Variants in CHN2 observed in about 807,000 individuals in gnomAD.
CHN2 encodes the protein chimerin 2.
Under a neutral mutation model 56.3 loss-of-function variants are expected in CHN2, and 35 were observed. That is an observed-to-expected ratio of 0.62 (90% CI 0.47 to 0.82). CHN2 has a LOEUF of 0.82. Ranked by LOEUF, CHN2 falls within the 40% of genes least tolerant of loss-of-function variation. CHN2 has a pLI of 0.00. For synonymous variants in CHN2, 210 were observed against 212.8 expected, an observed-to-expected ratio of 0.99 and a Z score of 0.12; for missense variants, 491 against 580.5, an observed-to-expected ratio of 0.85 and a Z score of 1.58.
At chr7:29,263,971 G>T (rs1349164029) in intron 1 of CHN2, among the ~76,000 whole-genome samples, 3 of 118,006 alleles carry the variant, frequency 2.5e-5, no homozygotes, top group South Asian at 2.4e-4. Context: ...TCTGGGAGGT[G>T]GGGGGGCAGC....
intron 3 of CHN2, among the ~76,000 whole-genome samples, chr7:29,377,320 C>T (rs1045397619): frequency 2.0e-5 from 3 of 152,104 alleles, no homozygotes; most frequent in South Asian, 2.1e-4. Context: ...GACCACGCCC[C>T]GCCTCAAATT....
intron 6 of CHN2, among the ~76,000 whole-genome samples, chr7:29,437,880 G>T (rs750234666): frequency 1.3e-5 from 2 of 152,116 alleles, no homozygotes; most frequent in Non-Finnish European, 2.9e-5. Flanking sequence ...AGAGCAAGAG[G>T]CTAGAGCTTC....
At chr7:29,312,635 C>T (rs1794681381) in intron 1 of CHN2, among the ~76,000 whole-genome samples, 1 of 152,118 alleles carries the variant, frequency 6.6e-6, no homozygotes, top group African/African-American at 2.4e-5. Flanking sequence ...TGCAGAAGAA[C>T]ATGTTCTTCA....
intron 1 of CHN2, among the ~76,000 whole-genome samples, chr7:29,260,327 A>C (rs1007595487): frequency 1.3e-5 from 2 of 152,186 alleles, no homozygotes; most frequent in African/African-American, 4.8e-5. Flanking sequence ...TCCATTAAAA[A>C]ATAAAATATC....
chr7:29,161,521 C>T (rs1795175114), intron 2 of CHN2, among the ~76,000 whole-genome samples: 1 of 152,278 alleles, frequency 6.6e-6, no homozygotes, highest in Non-Finnish European at 1.5e-5. Flanking sequence ...TTTTCATACC[C>T]ATTCATGCTC....
At chr7:29,319,415 T>C (rs183346733) in intron 1 of CHN2, among the ~76,000 whole-genome samples, 19 of 150,556 alleles carry the variant, frequency 1.3e-4, no homozygotes, top group Admixed American at 8.7e-4. Context: ...ACCTTCATTA[T>C]TGGTGCAGAA....
At chr7:29,320,959 A>G (rs1039869500) in intron 1 of CHN2, among the ~76,000 whole-genome samples, 3 of 152,240 alleles carry the variant, frequency 2.0e-5, no homozygotes, top group African/African-American at 7.2e-5. Context: ...GTCCAATACT[A>G]GGAGCAATTG....
intron 5 of CHN2, among the ~76,000 whole-genome samples, chr7:29,399,511 T>C (rs1161264089): frequency 6.6e-6 from 1 of 152,218 alleles, no homozygotes; most frequent in Non-Finnish European, 1.5e-5. Context: ...TTTTCAAACC[T>C]TGATCAAATA....
rs140008231 is a variant in CHN2, at chr7:29,510,863, C to T, written c.1235+1457C>T. Among the ~76,000 whole-genome samples, 327 of 152,246 alleles carry T rather than the reference C, an allele frequency of 2.1e-3. 1 individual carries two copies. The highest frequency in any genetic ancestry group is 3.1e-3 in the Non-Finnish European group (211 of 68,024). On this transcript the variant is annotated intron_variant, in intron 12 of 12. Transcript: ENST00000222792. ...TACCTGCCACACACACAGCTGTCTG[C>T]GTGAGTGTGTGGGAGACAGAGATGG...
chr7:29,427,887 C>A (rs1450446111), intron 6 of CHN2, among the ~76,000 whole-genome samples: 1 of 152,022 alleles, frequency 6.6e-6, no homozygotes, highest in Non-Finnish European at 1.5e-5. Flanking sequence ...GATCTCTTGA[C>A]CTCATGATCC....
At chr7:29,244,315 A>G (rs1787908793) in intron 1 of CHN2, among the ~76,000 whole-genome samples, 1 of 152,160 alleles carries the variant, frequency 6.6e-6, no homozygotes, top group African/African-American at 2.4e-5. Flanking sequence ...AATGTCTAAG[A>G]CCATGAAGCA....
At chr7:29,330,474 A>G (rs1796133269) in intron 1 of CHN2, among the ~76,000 whole-genome samples, 1 of 152,200 alleles carries the variant, frequency 6.6e-6, no homozygotes, top group Non-Finnish European at 1.5e-5. Flanking sequence ...TATTTATTGC[A>G]ATTAATGAAG....
At chr7:29,209,851 A>G (rs1784785879) in intron 1 of CHN2, among the ~76,000 whole-genome samples, 1 of 152,208 alleles carries the variant, frequency 6.6e-6, no homozygotes, top group South Asian at 2.1e-4. Context: ...ATTTCAGGTT[A>G]TTCCCAAGGA....
chr7:29,209,221 G>A (rs1278420662), intron 1 of CHN2, among the ~76,000 whole-genome samples: 1 of 152,088 alleles, frequency 6.6e-6, no homozygotes, highest in Non-Finnish European at 1.5e-5. Context: ...TTCTGTTAAG[G>A]GGGAAGAGGG....
intron 1 of CHN2, among the ~76,000 whole-genome samples, chr7:29,276,862 T>G (rs1562884652): frequency 6.6e-6 from 1 of 152,184 alleles, no homozygotes; most frequent in Admixed American, 6.5e-5. Context: ...TCCTTACAGA[T>G]GCATTGTTTA....
At chr7:29,252,751 G>A (rs934062482) in intron 1 of CHN2, among the ~76,000 whole-genome samples, 2 of 124,560 alleles carry the variant, frequency 1.6e-5, no homozygotes, top group South Asian at 2.5e-4. Flanking sequence ...GCCCGCCACC[G>A]CGCCCGGCTA....
At chr7:29,196,117 T>A (rs1300128483) in intron 1 of CHN2, among the ~76,000 whole-genome samples, 1 of 152,176 alleles carries the variant, frequency 6.6e-6, no homozygotes. Flanking sequence ...GAAACACCTT[T>A]TTGGAGGCAT....
rs11979947 is a variant in CHN2, at chr7:29,439,038, G to A, written c.576+38210G>A. Among the ~76,000 whole-genome samples the A allele has an allele frequency of 9.1e-3, 1,392 of 152,280 alleles. 25 individuals are homozygous for A. The highest frequency in any genetic ancestry group is 0.031 in the African/African-American group (1,280 of 41,558). On this transcript the variant is annotated intron_variant, in intron 6 of 12. Transcript: ENST00000222792. ...CAGAGGGCTAATGAATGTGACATTT[G>A]CCTCATTAACCTATTATTCATCCTA...
At chr7:29,236,752 G>A (rs1478149821) in intron 1 of CHN2, among the ~76,000 whole-genome samples, 2 of 152,174 alleles carry the variant, frequency 1.3e-5, no homozygotes, top group Admixed American at 6.5e-5. Context: ...TCCTTCTAGG[G>A]GCTCTAAGGG....
Sources: gnomAD v4.1 joint callset for allele counts (sites outside exome capture counted in the v4.1 genomes callset) on GRCh38, gnomAD v4.1.1 for gene constraint, MANE v1.5 for transcripts, NCBI Gene and HGNC (gene_info 2026-07-23, HGNC 2026-07-21) for gene names.